The following EP300 variants were observed in gnomAD, a reference collection of about 807,000 sequenced individuals.
EP300 encodes EP300 lysine acetyltransferase, also known as histone acetyltransferase p300.
A neutral mutation model predicts 264.0 loss-of-function variants in EP300; 31 were observed. The ratio of observed to expected loss-of-function variants is 0.12; its 90% confidence interval spans 0.09 to 0.16. The LOEUF (loss-of-function observed/expected upper bound fraction) is 0.16. EP300 is among the 10% of genes least tolerant of loss of function. EP300 has a pLI of 1.00. For missense variants in EP300, 2,766 were observed against 3,052.9 expected, an observed-to-expected ratio of 0.91 and a Z score of 2.21; for synonymous variants, 1,340 against 1,045.4, an observed-to-expected ratio of 1.28 and a Z score of -5.44.
chr22:41,173,659 A>T lies in EP300; in HGVS notation c.4654A>T (p.Asn1552Tyr). ...KGDSKNAKKK[N>Y]NKKTSKNKSS... Reference sequence around the variant, plus strand: ...AGACAGCAAAAATGCTAAAAAGAAGAATAATAAGAAAACCAGCAAAAATAA... The same window carrying T: ...AGACAGCAAAAATGCTAAAAAGAAGTATAATAAGAAAACCAGCAAAAATAA... Residue 1552 changes from asparagine (N) to tyrosine (Y), a missense_variant, in exon 29 of 31, where the codon AAT becomes TAT. Asn to Tyr is a moderately radical substitution (Grantham distance 143). Coordinates refer to ENST00000263253, the MANE Select transcript of EP300 (RefSeq NM_001429.4). The T allele has an allele frequency of 6.2e-7, 1 of 1,614,194 alleles. No individual in the cohort carries two copies. Among genetic ancestry groups the T allele is most frequent in the Non-Finnish European group, 8.5e-7 (1 of 1,180,034 alleles).
In EP300 at chr22:41,093,037, T is replaced by A. The variant is rs750974943; in HGVS notation, c.33T>A (p.Pro11=). 4 of 1,614,146 alleles carry A rather than the reference T, an allele frequency of 2.5e-6. No homozygotes were observed. In the Admixed American group the frequency reaches 6.7e-5, roughly 27 times the overall value. The change falls in exon 1 of 31, where the codon CCT becomes CCA. Residue 11 remains proline (P), a synonymous_variant. Coordinates refer to ENST00000263253, the MANE Select transcript of EP300 (RefSeq NM_001429.4). ...AGAATGTGGTGGAACCGGGGCCGCC[T>A]TCAGCCAAGCGGCCTAAACTCTCAT... is the stretch of plus-strand genomic sequence containing the variant. MAENVVEPGP[P]SAKRPKLSSP...
At chr22:41,120,530 A>G (rs1167011187) in intron 2 of EP300, among the ~76,000 whole-genome samples, 1 of 152,210 alleles carries the variant, frequency 6.6e-6, no homozygotes, top group Non-Finnish European at 1.5e-5. Context: ...AAATGACATC[A>G]GCTTTTGCAC....
chr22:41,170,355 C>G (rs1232605553), intron 26 of EP300, 51 bp from the exon 27 acceptor site: 1 of 1,566,012 alleles, frequency 6.4e-7, no homozygotes, highest in Non-Finnish European at 8.8e-7. Context: ...ATGTAGCCTT[C>G]TAGAATAGAT....
chr22:41,168,904 G>T (rs746951525), intron 25 of EP300, 37 bp downstream of exon 25: 3 of 1,614,044 alleles, frequency 1.9e-6, no homozygotes, highest in Non-Finnish European at 2.5e-6. Context: ...CCGGATTTGT[G>T]TGGGAGTTCC....
chr22:41,139,168 G>T (rs928647424), intron 8 of EP300, among the ~76,000 whole-genome samples: 2 of 152,134 alleles, frequency 1.3e-5, no homozygotes, highest in Admixed American at 6.5e-5. Flanking sequence ...TGGCCAGGCT[G>T]GTCTCGAACT....
intron 12 of EP300, chr22:41,148,760 A>G: frequency 2.0e-6 from 1 of 492,832 alleles, no homozygotes; most frequent in Non-Finnish European, 3.7e-6. Context: ...TCCTTGTGCT[A>G]GGCATATTTG....
At position 41,123,066 on chromosome 22, in the gene EP300, T is replaced by G. The variant is rs370779328; in HGVS notation, c.730-2798T>G. Among the ~76,000 whole-genome samples the G allele has an allele frequency of 4.6e-5, 7 of 152,076 alleles. No individual in the cohort carries two copies. In the East Asian group the frequency reaches 9.6e-4, roughly 21 times the overall value. On this transcript the variant is annotated intron_variant, in intron 2 of 30. Transcript: ENST00000263253. The stretch of plus-strand genomic sequence containing the variant: ...ATAAAAAGTAAAAGAAAAATTTTAT[T>G]AAGAGCTTTGTACCTGTCCAAAACA...
intron 22 of EP300, among the ~76,000 whole-genome samples, chr22:41,164,679 C>A (rs1466332106): frequency 6.6e-6 from 1 of 152,214 alleles, no homozygotes; most frequent in Non-Finnish European, 1.5e-5. Flanking sequence ...CACGCCACTG[C>A]ACTCCAGCCT....
At chr22:41,094,799 A>G (rs182744610) in intron 1 of EP300, among the ~76,000 whole-genome samples, 118 of 152,232 alleles carry the variant, frequency 7.8e-4, no homozygotes, top group African/African-American at 2.6e-3. Context: ...AGTGACTTGG[A>G]ACGTAGGGGA....
At chr22:41,115,810 T>G (rs1375521685) in intron 1 of EP300, among the ~76,000 whole-genome samples, 2 of 152,224 alleles carry the variant, frequency 1.3e-5, no homozygotes, top group Non-Finnish European at 2.9e-5. Flanking sequence ...GGAAAGCTAT[T>G]CTGTAGGCTA....
rs2145772195 is a variant in EP300, at chr22:41,173,792, G to A, written c.4779+8G>A. ...ATGGAGAAGCATAAAGAGGTAAGATGCAGCCACCCAGAGTTGGGGAAAAAC... is the reference window on the plus strand; with the variant it reads ...ATGGAGAAGCATAAAGAGGTAAGATACAGCCACCCAGAGTTGGGGAAAAAC... On this transcript the variant is annotated splice_region_variant and intron_variant, in intron 29 of 30. Transcript: ENST00000263253. The A allele has an allele frequency of 6.2e-7, 1 of 1,613,964 alleles. No individual in the cohort carries two copies. The highest frequency in any genetic ancestry group is 8.5e-7 in the Non-Finnish European group (1 of 1,179,886).
At chr22:41,154,968 A>C (rs747138075) in intron 16 of EP300, 27 bp from the exon 17 acceptor site, 6 of 1,491,018 alleles carry the variant, frequency 4.0e-6, no homozygotes, top group Non-Finnish European at 5.6e-6. Context: ...TTGGTAACTA[A>C]TTTCAAATGC....
chr22:41,112,766 G>C (rs1207027363), intron 1 of EP300, among the ~76,000 whole-genome samples: 1 of 151,004 alleles, frequency 6.6e-6, no homozygotes, highest in East Asian at 1.9e-4. Flanking sequence ...TTGAAAGTTT[G>C]GTGTAGGGCA....
Position 41,092,756 on chromosome 22 carries a change from C to T in EP300, c.-249C>T, listed in dbSNP as rs2058679576. On this transcript the variant is annotated 5_prime_UTR_variant, in exon 1 of 31. Coordinates refer to ENST00000263253, the MANE Select transcript of EP300 (RefSeq NM_001429.4). ...AGCGGACGCGCTCGGCGAATTTGTG[C>T]TCTTGTGCCCTCCTCCGGGCTTGGG... 3.3e-6 allele frequency: 2 copies of T among 614,292 alleles called. No individual in the cohort carries two copies. The highest frequency in any genetic ancestry group is 3.0e-5 in the Admixed American group (1 of 33,544). 38.1% of individuals were successfully genotyped at this position (614,292 alleles called of 1,614,324 possible).
In EP300 at chr22:41,117,558, A is replaced by G. The variant is rs1228235390; in HGVS notation, c.466A>G (p.Ser156Gly). The G allele has an allele frequency of 6.2e-7, 1 of 1,614,158 alleles. No individual in the cohort carries two copies. The highest frequency in any genetic ancestry group is 8.5e-7 in the Non-Finnish European group (1 of 1,180,056). ...GPTQSTGMMN[S>G]PVNQPAMGMN... Reference sequence around the variant, plus strand: ...TACGCAGTCAACAGGTATGATGAACAGTCCAGTAAATCAGCCTGCCATGGG... The same window carrying G: ...TACGCAGTCAACAGGTATGATGAACGGTCCAGTAAATCAGCCTGCCATGGG... The change falls in exon 2 of 31, where the codon AGT becomes GGT. Residue 156 changes from serine to glycine, a missense_variant. Transcript: ENST00000263253.
At position 41,127,575 on chromosome 22, in the gene EP300, C is replaced by T. The variant is rs754108081; in HGVS notation, c.995C>T (p.Pro332Leu). The change falls in exon 4 of 31, where the codon CCA (proline) becomes CTA (leucine). Residue 332 changes from proline to leucine, a missense_variant. By Grantham distance (98) the Pro-to-Leu change is moderately conservative. Coordinates refer to ENST00000263253, the MANE Select transcript of EP300 (RefSeq NM_001429.4). ...GGTTCTGGAGCACATACAGCTGATC[C>T]AGAGAAGCGCAAGCTCATCCAGCAG... Reference protein sequence around the residue: ...GMGSGAHTADPEKRKLIQQQL... With the variant: ...GMGSGAHTADLEKRKLIQQQL... 1 of 1,614,094 alleles carries T rather than the reference C, an allele frequency of 6.2e-7. No individual in the cohort carries two copies. Among genetic ancestry groups the T allele is most frequent in the African/African-American group, 1.3e-5 (1 of 74,926 alleles).
In EP300 at chr22:41,092,645, T is replaced by C; in HGVS notation, c.-360T>C. Reference sequence around the variant, plus strand: ...AAGAGGTTGATGGCGGCGGCGGAGCTCCGAGAGACCTCGGCTGGGCAGGGG... The same window carrying C: ...AAGAGGTTGATGGCGGCGGCGGAGCCCCGAGAGACCTCGGCTGGGCAGGGG... On this transcript the variant is annotated 5_prime_UTR_variant, in exon 1 of 31. Transcript: ENST00000263253. The C allele has an allele frequency of 1.6e-6, 1 of 629,276 alleles. No homozygotes were observed. Among genetic ancestry groups the C allele is most frequent in the Non-Finnish European group, 2.9e-6 (1 of 347,554 alleles). 39.0% of individuals were successfully genotyped at this position (629,276 alleles called of 1,614,324 possible). A position where few individuals can be genotyped will look rare whatever the true frequency, so the allele number is the denominator to read the frequency against.
chr22:41,120,847 T>C (rs577040402), intron 2 of EP300, among the ~76,000 whole-genome samples: 2 of 152,162 alleles, frequency 1.3e-5, no homozygotes, highest in African/African-American at 2.4e-5. Context: ...GACTCCTAAG[T>C]AGCTAGTACT....
rs749295430 is a variant in EP300, at chr22:41,178,260, G to C, written c.6549G>C (p.Leu2183Phe). 1 of 1,613,882 alleles carries C rather than the reference G, an allele frequency of 6.2e-7. No homozygotes were observed. Among genetic ancestry groups the C allele is most frequent in the African/African-American group, 1.3e-5 (1 of 74,854 alleles). The change falls in exon 31 of 31, where the codon TTG (leucine) becomes TTC (phenylalanine). Residue 2183 changes from leucine (L) to phenylalanine (F), a missense_variant. Transcript: ENST00000263253. ...NTMPSQFRDI[L>F]RRQQMMQQQQ... ...TGCCTTCACAATTCCGAGACATCTT[G>C]AGACGACAGCAAATGATGCAACAGC... is the stretch of plus-strand genomic sequence containing the variant.
Sources: allele counts gnomAD v4.1 joint callset (sites outside exome capture counted in the v4.1 genomes callset), GRCh38; gene constraint gnomAD v4.1.1; transcripts MANE v1.5; gene names NCBI Gene and HGNC (gene_info 2026-07-23, HGNC 2026-07-21).